PRELID3A: variants seen among roughly 807,000 people sequenced by gnomAD.
PRELID3A encodes PRELI domain containing protein 3A.
PRELID3A carries 27 observed loss-of-function variants against 23.0 expected under a neutral mutation model. That is an observed-to-expected ratio of 1.17 (90% CI 0.87 to 1.62). PRELID3A has a LOEUF of 1.62. PRELID3A is among the 40% of genes most tolerant of loss of function. The pLI is 0.00. For missense variants in PRELID3A, 231 were observed against 231.4 expected (o/e 1.00, Z 0.01); for synonymous variants, 87 against 86.4 (o/e 1.01, Z -0.04).
At chr18:12,420,576 T>A in intron 2 of PRELID3A, 83 bp downstream of exon 2, 5 of 1,191,832 alleles carry the variant, frequency 4.2e-6, no homozygotes, top group Non-Finnish European at 5.4e-6. Flanking sequence ...CCTCCTCCCC[T>A]CATCAGTGCC....
intron 1 of PRELID3A, among the ~76,000 whole-genome samples, chr18:12,418,219 G>A (rs1225858352): frequency 6.6e-6 from 1 of 152,182 alleles, no homozygotes; most frequent in East Asian, 1.9e-4. Flanking sequence ...TATGTTGAAA[G>A]ACTAATGTAC....
intron 1 of PRELID3A, among the ~76,000 whole-genome samples, chr18:12,418,802 G>T (rs985896621): frequency 2.0e-5 from 3 of 152,132 alleles, no homozygotes; most frequent in Non-Finnish European, 4.4e-5. Flanking sequence ...GCTCCCTTCA[G>T]ACGTGTGTCT....
rs1188766415 is a variant in PRELID3A, at chr18:12,407,961, C to T, written c.-15C>T. On this transcript the variant is annotated 5_prime_UTR_variant, in exon 1 of 7. Transcript: ENST00000440960. ...CCGGCCCGGATCGCAGAGCCCGCGC[C>T]CTGCGCCGGCGGCAATGAAGATCTG... is the stretch of plus-strand genomic sequence containing the variant. 3 of 1,295,230 alleles carry T rather than the reference C, an allele frequency of 2.3e-6. No individual in the cohort carries two copies. Among genetic ancestry groups the T allele is most frequent in the South Asian group, 5.0e-5 (2 of 40,290 alleles). 80.2% of individuals were successfully genotyped at this position (1,295,230 alleles called of 1,614,324 possible).
intron 1 of PRELID3A, 148 bp from the exon 2 acceptor site, chr18:12,420,177 G>T (rs912923037): frequency 4.9e-6 from 7 of 1,432,202 alleles, no homozygotes; most frequent in Non-Finnish European, 6.4e-6. Flanking sequence ...GGGAGGGCTC[G>T]CGGGACTCCT....
chr18:12,419,903 TG>T (rs2030094267), intron 1 of PRELID3A: 1 of 163,146 alleles, frequency 6.1e-6, no homozygotes, highest in Non-Finnish European at 1.3e-5. Context: ...CACTCCGGCC[TG>T]GGTGACAGAG....
At chr18:12,429,213 A>T in intron 5 of PRELID3A, 137 bp from the exon 6 acceptor site, 1 of 693,284 alleles carries the variant, frequency 1.4e-6, no homozygotes, top group Non-Finnish European at 2.6e-6. Context: ...TGTGAAGATC[A>T]CTCGGAAAGG....
intron 5 of PRELID3A, 48 bp from the exon 6 acceptor site, chr18:12,429,302 C>T (rs753874152): frequency 3.3e-5 from 51 of 1,545,580 alleles, no homozygotes; most frequent in East Asian, 9.0e-5. Context: ...CTGTCTGCAG[C>T]GGGAGGCGGG....
At chr18:12,411,145 G>T (rs530970580) in intron 1 of PRELID3A, among the ~76,000 whole-genome samples, 1 of 152,064 alleles carries the variant, frequency 6.6e-6, no homozygotes, top group Admixed American at 6.6e-5. Flanking sequence ...GAATTAACGT[G>T]TGTGTTACCT....
chr18:12,429,344 T>C lies in PRELID3A; in HGVS notation c.466-6T>C. 6.2e-7 allele frequency: 1 copy of C among 1,613,600 alleles called. No homozygotes were observed. Among genetic ancestry groups the C allele is most frequent in the Non-Finnish European group, 8.5e-7 (1 of 1,179,950 alleles). Reference sequence around the variant, plus strand: ...CACTCAGTGCTGAAATCTTTCTGTGTTGCAGGGGTGGGCTGCTATCGAGTG... The same window carrying C: ...CACTCAGTGCTGAAATCTTTCTGTGCTGCAGGGGTGGGCTGCTATCGAGTG... On this transcript the variant is annotated splice_region_variant and splice_polypyrimidine_tract_variant and intron_variant, in intron 5 of 6. Transcript: ENST00000440960.
At chr18:12,413,490 T>C (rs2029874787) in intron 1 of PRELID3A, among the ~76,000 whole-genome samples, 1 of 152,216 alleles carries the variant, frequency 6.6e-6, no homozygotes. Context: ...TGGAAGCATT[T>C]GGAATATAGG....
At chr18:12,421,401 G>A (rs1490613873) in intron 2 of PRELID3A, 139 bp from the exon 3 acceptor site, 4 of 647,760 alleles carry the variant, frequency 6.2e-6, no homozygotes, top group Middle Eastern at 4.0e-4. Flanking sequence ...GGACACAGGG[G>A]TTTTGTCTCT....
chr18:12,407,931 A>T lies in PRELID3A; in HGVS notation c.-45A>T. The T allele has an allele frequency of 7.8e-7, 1 of 1,278,256 alleles. No homozygotes were observed. The highest frequency in any genetic ancestry group is 2.7e-5 in the South Asian group (1 of 37,618). The allele number at this position is 1,278,256 out of a possible 1,614,324, so 79.2% of individuals were successfully genotyped here. On this transcript the variant is annotated 5_prime_UTR_variant, in exon 1 of 7. It adds an upstream start codon to the 5' untranslated region. Transcript: ENST00000440960. ...CCGCGCCCGGAGCCGCGCGGCCCGAAGCACCCGGCCCGGATCGCAGAGCCC... is the reference window on the plus strand; with the variant it reads ...CCGCGCCCGGAGCCGCGCGGCCCGATGCACCCGGCCCGGATCGCAGAGCCC...
intron 3 of PRELID3A, among the ~76,000 whole-genome samples, chr18:12,421,955 T>C (rs1294493026): frequency 6.6e-6 from 1 of 152,028 alleles, no homozygotes; most frequent in Non-Finnish European, 1.5e-5. Flanking sequence ...TTTTGTTTTT[T>C]TAAAGATGGG....
chr18:12,425,353 G>A (rs550681695), intron 3 of PRELID3A, among the ~76,000 whole-genome samples: 26 of 151,840 alleles, frequency 1.7e-4, no homozygotes, highest in African/African-American at 5.6e-4. Flanking sequence ...GGGCGCAGTG[G>A]CTCATGCCTG....
At chr18:12,425,402 T>G (rs1341846155) in intron 3 of PRELID3A, among the ~76,000 whole-genome samples, 3 of 131,406 alleles carry the variant, frequency 2.3e-5, no homozygotes, top group African/African-American at 8.8e-5. Context: ...GGGTGGATCA[T>G]GAGGTCAGGA....
At chr18:12,420,952 A>T (rs927303125) in intron 2 of PRELID3A, among the ~76,000 whole-genome samples, 3 of 152,092 alleles carry the variant, frequency 2.0e-5, no homozygotes, top group African/African-American at 7.2e-5. Context: ...AACCGCCTCT[A>T]AAGCCCAGCG....
At chr18:12,430,368 G>T (rs1212144296) in intron 6 of PRELID3A, among the ~76,000 whole-genome samples, 3 of 150,340 alleles carry the variant, frequency 2.0e-5, no homozygotes, top group East Asian at 2.0e-4. Flanking sequence ...ATGTGTGTGT[G>T]GTGTGTGTGT....
At chr18:12,415,017 C>G (rs1054332005) in intron 1 of PRELID3A, among the ~76,000 whole-genome samples, 3 of 152,024 alleles carry the variant, frequency 2.0e-5, no homozygotes, top group Non-Finnish European at 4.4e-5. Context: ...CAGCCTCAAA[C>G]TGTTTGGCTT....
chr18:12,420,412 G>C lies in PRELID3A; in HGVS notation c.120G>C (p.Gln40His). Reference protein sequence around the residue: ...NPSVLGVDVLQRRVDGRGRLH... With the variant: ...NPSVLGVDVLHRRVDGRGRLH... ...GCGTGCTGGGCGTGGATGTGCTACAGCGCCGCGTGGACGGCCGCGGCCGCC... is the reference window on the plus strand; with the variant it reads ...GCGTGCTGGGCGTGGATGTGCTACACCGCCGCGTGGACGGCCGCGGCCGCC... The change falls in exon 2 of 7, where the codon CAG becomes CAC. Residue 40 changes from glutamine to histidine, a missense_variant. Transcript: ENST00000440960. 1 of 1,603,212 alleles carries C rather than the reference G, an allele frequency of 6.2e-7. No individual in the cohort carries two copies. Among genetic ancestry groups the C allele is most frequent in the East Asian group, 2.3e-5 (1 of 44,388 alleles).
Sources: allele counts gnomAD v4.1 joint callset (sites outside exome capture counted in the v4.1 genomes callset), GRCh38; gene constraint gnomAD v4.1.1; transcripts MANE v1.5; gene names NCBI Gene and HGNC (gene_info 2026-07-23, HGNC 2026-07-21).